EXOC2: variants seen among roughly 807,000 people sequenced by gnomAD.
EXOC2 encodes the protein exocyst complex component 2, also known as SEC5-like 1.
A neutral mutation model predicts 131.8 loss-of-function variants in EXOC2; 70 were observed. The observed-to-expected ratio is 0.53, with a 90% CI of 0.44 to 0.65. The LOEUF (loss-of-function observed/expected upper bound fraction) is 0.65, where lower values mean the gene tolerates loss of function less well. Ranked by LOEUF, EXOC2 falls within the 30% of genes least tolerant of loss-of-function variation. The probability of loss-of-function intolerance (pLI) is 0.00; values close to 1 mark genes in which losing one functional copy is unlikely to be tolerated. For synonymous variants in EXOC2, 411 were observed against 398.4 expected (o/e 1.03, Z -0.38); for missense variants, 923 against 1,108.6 (o/e 0.83, Z 2.38).
intron 1 of EXOC2, among the ~76,000 whole-genome samples, chr6:657,891 T>C (rs1349042530): frequency 6.6e-6 from 1 of 152,236 alleles, no homozygotes; most frequent in Non-Finnish European, 1.5e-5. Flanking sequence ...CCTCTGTCCA[T>C]TACATGTACT....
At chr6:620,437 T>G (rs578089679) in intron 4 of EXOC2, among the ~76,000 whole-genome samples, 1 of 152,332 alleles carries the variant, frequency 6.6e-6, no homozygotes, top group South Asian at 2.1e-4. Flanking sequence ...TCTTGGGGTT[T>G]ACTTTGTTCG....
intron 23 of EXOC2, among the ~76,000 whole-genome samples, chr6:516,053 G>A (rs370773537): frequency 8.5e-5 from 13 of 152,318 alleles, no homozygotes; most frequent in Middle Eastern, 6.8e-3. Context: ...TGGGAAAGCA[G>A]AACGTTTTTC....
At chr6:598,993 A>G in intron 8 of EXOC2, 52 bp from the exon 9 acceptor site, 1 of 1,567,150 alleles carries the variant, frequency 6.4e-7, no homozygotes, top group Non-Finnish European at 8.7e-7. Context: ...AAATGAAGAC[A>G]TTTGGTTAAT....
chr6:581,781 C>G (rs1434868360), intron 11 of EXOC2, among the ~76,000 whole-genome samples: 2 of 151,938 alleles, frequency 1.3e-5, no homozygotes, highest in Non-Finnish European at 1.5e-5. Flanking sequence ...AAAAAAGACA[C>G]AACTGTTTTT....
chr6:673,122 C>A (rs1233620561), intron 1 of EXOC2, among the ~76,000 whole-genome samples: 1 of 151,616 alleles, frequency 6.6e-6, no homozygotes, highest in African/African-American at 2.4e-5. Flanking sequence ...ATTAGCTGGG[C>A]GTGGTGGCGG....
At chr6:530,101 C>G (rs1158203620) in intron 23 of EXOC2, among the ~76,000 whole-genome samples, 1 of 152,208 alleles carries the variant, frequency 6.6e-6, no homozygotes, top group Admixed American at 6.5e-5. Context: ...AAAATGAGCA[C>G]TCTCACTCAT....
intron 24 of EXOC2, 139 bp downstream of exon 24, chr6:499,506 G>A (rs1763924453): frequency 1.6e-6 from 1 of 639,996 alleles, no homozygotes; most frequent in African/African-American, 1.9e-5. Context: ...GCGAGCAAGA[G>A]CTGAACTGTA....
At chr6:544,368 C>T (rs1465363496) in intron 22 of EXOC2, among the ~76,000 whole-genome samples, 1 of 152,120 alleles carries the variant, frequency 6.6e-6, no homozygotes. Context: ...TATTCTTTCC[C>T]TTCCTGTTTG....
intron 4 of EXOC2, among the ~76,000 whole-genome samples, chr6:627,530 G>C (rs1474023165): frequency 6.6e-6 from 1 of 152,132 alleles, no homozygotes; most frequent in African/African-American, 2.4e-5. Flanking sequence ...GTCTCTATTA[G>C]AAAGACAGAG....
At chr6:595,478 G>A (rs1759759271) in intron 10 of EXOC2, among the ~76,000 whole-genome samples, 1 of 151,942 alleles carries the variant, frequency 6.6e-6, no homozygotes, top group African/African-American at 2.4e-5. Context: ...AACTATTGTT[G>A]ACTTGTTTAT....
At chr6:568,750 C>T (rs1362395362) in intron 13 of EXOC2, among the ~76,000 whole-genome samples, 4 of 152,018 alleles carry the variant, frequency 2.6e-5, no homozygotes, top group Non-Finnish European at 5.9e-5. Context: ...CTGTGCAATG[C>T]GAAGATTATT....
chr6:598,616 C>T (rs1037142355), intron 9 of EXOC2, among the ~76,000 whole-genome samples: 8 of 152,238 alleles, frequency 5.3e-5, no homozygotes, highest in Middle Eastern at 3.4e-3. Context: ...TTTCTAACAG[C>T]GTGATGGTTA....
chr6:552,178 C>T (rs993175268), intron 21 of EXOC2, among the ~76,000 whole-genome samples: 1 of 152,242 alleles, frequency 6.6e-6, no homozygotes, highest in Admixed American at 6.5e-5. Context: ...CAGCCCCGCC[C>T]TGAGGCAAAT....
intron 12 of EXOC2, among the ~76,000 whole-genome samples, chr6:574,368 T>A (rs934688673): frequency 2.6e-5 from 4 of 152,204 alleles, no homozygotes; most frequent in African/African-American, 9.7e-5. Flanking sequence ...GCCTCATCAA[T>A]GAACAAACAA....
chr6:658,014 C>T (rs1335330986), intron 1 of EXOC2, among the ~76,000 whole-genome samples: 1 of 152,106 alleles, frequency 6.6e-6, no homozygotes, highest in East Asian at 1.9e-4. Context: ...TTCTCTACTA[C>T]TTCTAGGGTC....
intron 16 of EXOC2, among the ~76,000 whole-genome samples, chr6:563,582 C>G (rs1301494156): frequency 6.6e-6 from 1 of 151,880 alleles, no homozygotes; most frequent in Non-Finnish European, 1.5e-5. Flanking sequence ...TGTAGAAAAG[C>G]CTGAAAAATT....
chr6:642,665 TAA>T (rs1157537417), intron 1 of EXOC2, among the ~76,000 whole-genome samples: 2 of 152,192 alleles, frequency 1.3e-5, no homozygotes, highest in Non-Finnish European at 2.9e-5. Context: ...ATGGTTGTTC[TAA>T]ATAGAGGAAT....
rs568982194 is a variant in EXOC2, at chr6:682,436, G to A, written c.-44+10583C>T. Reference sequence around the variant, plus strand: ...AGGATGGTCTAGATCTCCTGACCTCGTGATCTGCCCGCCTTGGCCTCTCAA... The same window carrying A: ...AGGATGGTCTAGATCTCCTGACCTCATGATCTGCCCGCCTTGGCCTCTCAA... On this transcript the variant is annotated intron_variant, in intron 1 of 27. Coordinates refer to ENST00000230449, the MANE Select transcript of EXOC2 (RefSeq NM_018303.6). 1.3e-3 allele frequency among the ~76,000 whole-genome samples: 198 copies of A among 152,090 alleles called. 1 individual carries two copies. Among genetic ancestry groups the A allele is most frequent in the African/African-American group, 4.4e-3 (183 of 41,500 alleles).
In EXOC2 at chr6:693,058, G is replaced by C. The variant is rs1765025932; in HGVS notation, c.-83C>G. On this transcript the variant is annotated 5_prime_UTR_variant, in exon 1 of 28. Transcript: ENST00000230449. ...CCGCAGCTCACGGCCGGCACAGACA[G>C]GGCCCGGTAGGTCTCGCCGAAGACT... 6.6e-6 allele frequency: 1 copy of C among 152,454 alleles called. No homozygotes were observed. 9.4% of individuals were successfully genotyped at this position (152,454 alleles called of 1,614,324 possible).
Sources: gnomAD v4.1 joint callset for allele counts (sites outside exome capture counted in the v4.1 genomes callset) on GRCh38, gnomAD v4.1.1 for gene constraint, MANE v1.5 for transcripts, NCBI Gene and HGNC (gene_info 2026-07-23, HGNC 2026-07-21) for gene names.